NRG3: variants seen among roughly 807,000 people sequenced by gnomAD.
The protein encoded by NRG3 is neuregulin 3.
Under a neutral mutation model 66.9 loss-of-function variants are expected in NRG3, and 31 were observed. The ratio of observed to expected loss-of-function variants is 0.46; its 90% CI spans 0.35 to 0.63. The LOEUF is 0.63. Among genes scored for constraint, NRG3 ranks in the 20% least tolerant of loss-of-function variants. NRG3 has a pLI of 0.00. For synonymous variants in NRG3, 393 were observed against 359.4 expected (o/e 1.09, Z -1.06); for missense variants, 910 against 878.9 (o/e 1.04, Z -0.45).
intron 2 of NRG3, among the ~76,000 whole-genome samples, chr10:82,488,077 T>A (rs1227333653): frequency 1.3e-5 from 2 of 152,204 alleles, no homozygotes; most frequent in African/African-American, 4.8e-5. Context: ...TAAATTTGTA[T>A]GGAGAGAATG....
intron 1 of NRG3, among the ~76,000 whole-genome samples, chr10:82,202,360 G>T (rs1018599415): frequency 6.6e-6 from 1 of 152,094 alleles, no homozygotes; most frequent in African/African-American, 2.4e-5. Context: ...ATGGATTGAG[G>T]GGGTAAATGA....
At chr10:82,898,420 C>T (rs1843868253) in intron 4 of NRG3, among the ~76,000 whole-genome samples, 1 of 152,278 alleles carries the variant, frequency 6.6e-6, no homozygotes, top group South Asian at 2.1e-4. Flanking sequence ...CCTGGAGGCT[C>T]CCTACCCAGA....
rs774039943 is a variant in NRG3 at position 82,536,287 on chromosome 10, A to G, written c.953+177419A>G. 1.2e-4 allele frequency among the ~76,000 whole-genome samples: 18 copies of G among 152,222 alleles called. 1 individual carries two copies. Among genetic ancestry groups the G allele is most frequent in the Non-Finnish European group, 2.2e-4 (15 of 68,036 alleles). On this transcript the variant is annotated intron_variant, in intron 2 of 8. Coordinates refer to ENST00000372141, the MANE Select transcript of NRG3 (RefSeq NM_001010848.4). ...ACTTTTTGGCTACCTCAGGATAGACAGGGGACAAGAAGAAAGCAAAAAGCA... is the reference window on the plus strand; with the variant it reads ...ACTTTTTGGCTACCTCAGGATAGACGGGGGACAAGAAGAAAGCAAAAAGCA...
At chr10:82,287,467 A>G (rs1172992323) in intron 1 of NRG3, among the ~76,000 whole-genome samples, 1 of 151,892 alleles carries the variant, frequency 6.6e-6, no homozygotes, top group African/African-American at 2.4e-5. Context: ...ATATTTCTTT[A>G]TAGCAATGCA....
chr10:82,784,562 C>A (rs1334577215), intron 3 of NRG3, among the ~76,000 whole-genome samples: 1 of 152,184 alleles, frequency 6.6e-6, no homozygotes, highest in Non-Finnish European at 1.5e-5. Context: ...ACAGACACTT[C>A]TCAAAAGAAG....
intron 3 of NRG3, among the ~76,000 whole-genome samples, chr10:82,770,684 C>A (rs1055475415): frequency 6.6e-6 from 1 of 152,046 alleles, no homozygotes; most frequent in Non-Finnish European, 1.5e-5. Flanking sequence ...GAATGGACAC[C>A]AGGGTAGACC....
intron 1 of NRG3, among the ~76,000 whole-genome samples, chr10:82,019,760 A>G (rs1199247604): frequency 1.3e-5 from 2 of 152,160 alleles, no homozygotes; most frequent in Non-Finnish European, 2.9e-5. Context: ...GGTAGTTTGT[A>G]TTTCTGTGGG....
intron 2 of NRG3, among the ~76,000 whole-genome samples, chr10:82,488,851 A>C (rs1468234062): frequency 6.6e-6 from 1 of 152,182 alleles, no homozygotes; most frequent in Non-Finnish European, 1.5e-5. Context: ...ATAGGGTCTC[A>C]AATATTTAGG....
intron 1 of NRG3, among the ~76,000 whole-genome samples, chr10:82,217,594 C>T (rs1194813409): frequency 6.6e-6 from 1 of 152,144 alleles, no homozygotes; most frequent in Admixed American, 6.6e-5. Context: ...CAACATTTTT[C>T]TCGTAGAATT....
In NRG3 at chr10:82,362,342, TGTGTGTGTGTGTG is replaced by T. The variant is rs1212102759; in HGVS notation, c.953+3475_953+3487del. Among the ~76,000 whole-genome samples the T allele has an allele frequency of 5.4e-3, 383 of 70,448 alleles. 1 individual carries two copies. The highest frequency in any genetic ancestry group is 0.049 in the African/African-American group (347 of 7,070). 46.2% of individuals were successfully genotyped at this position (70,448 alleles called of 152,430 possible). A position where few individuals can be genotyped will look rare whatever the true frequency, so the allele number is the denominator to read the frequency against. On this transcript the variant is annotated intron_variant, in intron 2 of 8. Coordinates refer to ENST00000372141, the MANE Select transcript of NRG3 (RefSeq NM_001010848.4). ...TAATGTGTATATATATATGTGTGTG[TGTGTGTGTGTGTG>T]TGTGTGTGTGTGTGTGTGTGTGTAT...
chr10:82,324,936 G>C (rs1013290918), intron 1 of NRG3, among the ~76,000 whole-genome samples: 2 of 152,098 alleles, frequency 1.3e-5, no homozygotes, highest in African/African-American at 4.8e-5. Context: ...GTTGACTTTT[G>C]TTCAAGTTTT....
intron 2 of NRG3, among the ~76,000 whole-genome samples, chr10:82,360,148 C>G (rs1589845047): frequency 6.6e-6 from 1 of 152,332 alleles, no homozygotes; most frequent in African/African-American, 2.4e-5. Context: ...CACCCTATTC[C>G]TATGCTCTGC....
intron 1 of NRG3, among the ~76,000 whole-genome samples, chr10:82,178,022 T>A: frequency 6.6e-6 from 1 of 152,140 alleles, no homozygotes; most frequent in East Asian, 1.9e-4. Flanking sequence ...CAAAGAGCTT[T>A]TGCTTATGTG....
chr10:82,891,704 AATC>A (rs2136125732), intron 4 of NRG3, among the ~76,000 whole-genome samples: 1 of 152,164 alleles, frequency 6.6e-6, no homozygotes, highest in East Asian at 1.9e-4. Flanking sequence ...TTGTCTATAA[AATC>A]ATGTCATCTG....
intron 1 of NRG3, among the ~76,000 whole-genome samples, chr10:81,947,224 C>T (rs1470035582): frequency 6.6e-6 from 1 of 152,080 alleles, no homozygotes; most frequent in East Asian, 1.9e-4. Flanking sequence ...ATGCATGTCC[C>T]TCTGTGTCCA....
At chr10:82,548,474 A>G (rs111893012) in intron 2 of NRG3, among the ~76,000 whole-genome samples, 16 of 151,908 alleles carry the variant, frequency 1.1e-4, no homozygotes, top group African/African-American at 3.9e-4. Flanking sequence ...CTATAGCTTC[A>G]ACAATAGCAA....
intron 1 of NRG3, among the ~76,000 whole-genome samples, chr10:82,301,431 C>T (rs781002311): frequency 3.3e-5 from 5 of 151,902 alleles, no homozygotes; most frequent in Admixed American, 1.3e-4. Context: ...GTTGCAGGCA[C>T]GACAGCAATA....
intron 6 of NRG3, among the ~76,000 whole-genome samples, chr10:82,959,607 A>G (rs889491114): frequency 6.6e-6 from 1 of 152,186 alleles, no homozygotes; most frequent in Non-Finnish European, 1.5e-5. Flanking sequence ...AAAGTTCTAT[A>G]GAGAGTCAAA....
chr10:81,994,526 T>C (rs2060858398), intron 1 of NRG3, among the ~76,000 whole-genome samples: 1 of 150,670 alleles, frequency 6.6e-6, no homozygotes. Context: ...TTAGGTTAAG[T>C]ATGCCTTTAA....
Sources: gnomAD v4.1 joint callset for allele counts (sites outside exome capture counted in the v4.1 genomes callset) on GRCh38, gnomAD v4.1.1 for gene constraint, MANE v1.5 for transcripts, NCBI Gene and HGNC (gene_info 2026-07-23, HGNC 2026-07-21) for gene names.